The following CALN1 variants were observed in gnomAD, a reference collection of about 807,000 sequenced individuals.
CALN1 encodes the protein calcium-binding protein 8.
In CALN1, 17 loss-of-function variants were observed where a neutral mutation model predicts 30.6. That is an observed-to-expected ratio of 0.56 (90% CI 0.38 to 0.83). The LOEUF is 0.83. CALN1 is among the 40% of genes least tolerant of loss of function. The probability of loss-of-function intolerance (pLI) is 0.00; values close to 1 mark genes in which losing one functional copy is unlikely to be tolerated. For missense variants in CALN1, 291 were observed against 354.9 expected, an observed-to-expected ratio of 0.82 and a Z score of 1.45; for synonymous variants, 156 against 131.4, an observed-to-expected ratio of 1.19 and a Z score of -1.28.
intron 2 of CALN1, chr7:72,337,317 T>TCGGGGAGCCCC (rs1434415038): frequency 2.1e-5 from 21 of 981,396 alleles, no homozygotes; most frequent in Admixed American, 6.2e-5. Flanking sequence ...CCTCCGAGGG[T>TCGGGGAGCCCC]CGGGGAGCCC....
chr7:72,308,393 GAGAGAGAGAGAGGAA>G (rs1562868380), intron 2 of CALN1, among the ~76,000 whole-genome samples: 1 of 130,106 alleles, frequency 7.7e-6, no homozygotes, highest in East Asian at 4.2e-4. Context: ...GAGAGAGAGA[GAGAGAGAGAGAGGAA>G]AGAAAGGAAA....
chr7:71,844,998 C>G (rs975951718), intron 5 of CALN1, among the ~76,000 whole-genome samples: 9 of 152,044 alleles, frequency 5.9e-5, no homozygotes, highest in Admixed American at 2.6e-4. Context: ...CAAGCAGTAC[C>G]TCAGCCTCCC....
chr7:71,913,059 G>A (rs1178882912), intron 5 of CALN1, among the ~76,000 whole-genome samples: 1 of 152,146 alleles, frequency 6.6e-6, no homozygotes. Context: ...GATGAGCTGC[G>A]AGTGTTTATC....
At chr7:72,041,635 C>T (rs971337317) in intron 4 of CALN1, among the ~76,000 whole-genome samples, 2 of 152,152 alleles carry the variant, frequency 1.3e-5, no homozygotes, top group Non-Finnish European at 2.9e-5. Flanking sequence ...CTGCCCACCT[C>T]AGCCTCCCAA....
chr7:72,488,409 A>G, the CALN1 span, among the ~76,000 whole-genome samples: 1 of 152,146 alleles, frequency 6.6e-6, no homozygotes, highest in Non-Finnish European at 1.5e-5. Context: ...ATAAGTTTTA[A>G]AAAGGACTAA....
chr7:72,002,990 C>G (rs1013413674), intron 5 of CALN1, among the ~76,000 whole-genome samples: 1 of 152,124 alleles, frequency 6.6e-6, no homozygotes, highest in South Asian at 2.1e-4. Flanking sequence ...AATATGGTGG[C>G]TATAGCTAAC....
At chr7:71,836,618 GT>G (rs1562824885) in intron 5 of CALN1, among the ~76,000 whole-genome samples, 4 of 128,120 alleles carry the variant, frequency 3.1e-5, no homozygotes, top group African/African-American at 1.0e-4. Context: ...ATTTCTCTCT[GT>G]CTCTTTTTTT....
chr7:72,290,428 G>T (rs1343786902), intron 2 of CALN1, among the ~76,000 whole-genome samples: 1 of 152,152 alleles, frequency 6.6e-6, no homozygotes, highest in Non-Finnish European at 1.5e-5. Flanking sequence ...AGAGAATGTT[G>T]CAGGGACAAT....
chr7:71,882,388 C>T (rs1003008994), intron 5 of CALN1, among the ~76,000 whole-genome samples: 1 of 152,164 alleles, frequency 6.6e-6, no homozygotes, highest in African/African-American at 2.4e-5. Context: ...GGCCTTTAAT[C>T]ACATCGGCAA....
At chr7:71,993,100 C>T (rs774774536) in intron 5 of CALN1, among the ~76,000 whole-genome samples, 4 of 152,148 alleles carry the variant, frequency 2.6e-5, no homozygotes, top group Non-Finnish European at 4.4e-5. Context: ...GTGTCTGAGG[C>T]TGTAGCAGCC....
intron 5 of CALN1, among the ~76,000 whole-genome samples, chr7:71,952,649 C>T (rs181874516): frequency 2.7e-5 from 4 of 150,834 alleles, no homozygotes; most frequent in African/African-American, 7.3e-5. Context: ...TAGTGTAGAT[C>T]GCTAGCGATC....
At chr7:72,314,944 C>CA (rs1256953570) in intron 2 of CALN1, among the ~76,000 whole-genome samples, 3 of 142,312 alleles carry the variant, frequency 2.1e-5, no homozygotes, top group African/African-American at 8.0e-5. Flanking sequence ...GGCCAGAGTT[C>CA]AAGACCAGCC....
intron 6 of CALN1, among the ~76,000 whole-genome samples, chr7:71,790,389 AAAGAAAG>A (rs1793298135): frequency 8.5e-6 from 1 of 117,582 alleles, no homozygotes; most frequent in East Asian, 4.1e-4. Context: ...AGAAAGAAAG[AAAGAAAG>A]AAAGAAAGAA....
chr7:72,083,229 T>A (rs1405565606), intron 4 of CALN1, among the ~76,000 whole-genome samples: 1 of 151,942 alleles, frequency 6.6e-6, no homozygotes, highest in African/African-American at 2.4e-5. Flanking sequence ...GTGTGACTGA[T>A]ATGCAAGAGA....
intron 4 of CALN1, among the ~76,000 whole-genome samples, chr7:72,073,800 C>T (rs1310311270): frequency 6.6e-6 from 1 of 152,004 alleles, no homozygotes; most frequent in East Asian, 1.9e-4. Flanking sequence ...CTCAAGTGAT[C>T]CTGTCACCTC....
chr7:72,317,774 T>G (rs1800587351), intron 2 of CALN1, among the ~76,000 whole-genome samples: 1 of 151,880 alleles, frequency 6.6e-6, no homozygotes, highest in African/African-American at 2.4e-5. Context: ...ACTCAATGTC[T>G]CCCTCCAAGA....
chr7:71,812,933 A>ATTAT (rs1020473214), intron 5 of CALN1, among the ~76,000 whole-genome samples: 11 of 47,122 alleles, frequency 2.3e-4, no homozygotes, highest in Admixed American at 2.2e-3. Context: ...CATCATCATT[A>ATTAT]TTATTATTAT....
At chr7:71,798,071 G>C (rs564170625) in intron 6 of CALN1, among the ~76,000 whole-genome samples, 213 of 124,624 alleles carry the variant, frequency 1.7e-3, no homozygotes, top group African/African-American at 6.9e-3. Context: ...CAGAGAGAGA[G>C]AGAGAGACAG....
intron 3 of CALN1, among the ~76,000 whole-genome samples, chr7:72,271,622 A>C (rs539007128): frequency 4.7e-4 from 65 of 138,944 alleles, no homozygotes; most frequent in African/African-American, 1.7e-3. Context: ...GATGAGGGGT[A>C]CACAATGAAT....
Sources: gnomAD v4.1 joint callset for allele counts (sites outside exome capture counted in the v4.1 genomes callset) on GRCh38, gnomAD v4.1.1 for gene constraint, MANE v1.5 for transcripts, NCBI Gene and HGNC (gene_info 2026-07-23, HGNC 2026-07-21) for gene names.